TNKS: variants seen among roughly 807,000 people sequenced by gnomAD.
TNKS encodes the protein poly [ADP-ribose] polymerase tankyrase-1.
In TNKS, 72 loss-of-function variants were observed where a neutral mutation model predicts 135.8. The observed-to-expected ratio is 0.53, with a 90% CI of 0.44 to 0.64. The LOEUF is 0.64. Among genes scored for constraint, TNKS ranks in the 30% least tolerant of loss-of-function variants. The probability of loss-of-function intolerance (pLI) is 0.00; values close to 1 mark genes in which losing one functional copy is unlikely to be tolerated. For synonymous variants in TNKS, 849 were observed against 649.3 expected (o/e 1.31, Z -4.68); for missense variants, 1,769 against 1,674.0 (o/e 1.06, Z -0.99).
At chr8:9,676,543 A>G (rs1368074894) in intron 3 of TNKS, among the ~76,000 whole-genome samples, 1 of 152,138 alleles carries the variant, frequency 6.6e-6, no homozygotes, top group Non-Finnish European at 1.5e-5. Context: ...TTTTACTCAA[A>G]AAGTAATTTT....
At chr8:9,586,716 C>G (rs1798390339) in intron 2 of TNKS, among the ~76,000 whole-genome samples, 1 of 138,582 alleles carries the variant, frequency 7.2e-6, no homozygotes, top group Non-Finnish European at 1.5e-5. Context: ...TAATTTATAT[C>G]TAAAACGTGT....
chr8:9,766,944 A>G (rs1304982038), intron 25 of TNKS, among the ~76,000 whole-genome samples: 2 of 152,290 alleles, frequency 1.3e-5, no homozygotes, highest in Non-Finnish European at 2.9e-5. Context: ...AACCAGGTAC[A>G]TGGCCTCCAG....
chr8:9,680,033 G>T (rs1386133393), intron 4 of TNKS, 46 bp downstream of exon 4: 1 of 1,412,060 alleles, frequency 7.1e-7, no homozygotes, highest in South Asian at 1.2e-5. Context: ...CATTAAGGAA[G>T]AGAAGGAGGA....
At chr8:9,704,039 C>T (rs1803938814) in intron 5 of TNKS, among the ~76,000 whole-genome samples, 1 of 152,132 alleles carries the variant, frequency 6.6e-6, no homozygotes, top group South Asian at 2.1e-4. Flanking sequence ...GTATGTGGTA[C>T]ATAAAATGGA....
intron 5 of TNKS, among the ~76,000 whole-genome samples, chr8:9,686,049 C>T (rs1200080747): frequency 1.3e-5 from 2 of 152,156 alleles, no homozygotes; most frequent in Non-Finnish European, 2.9e-5. Context: ...CCTTTTATTA[C>T]TCATGCCCTT....
At chr8:9,652,418 C>A (rs1446691872) in intron 3 of TNKS, among the ~76,000 whole-genome samples, 1 of 152,082 alleles carries the variant, frequency 6.6e-6, no homozygotes, top group Non-Finnish European at 1.5e-5. Context: ...TTTTTAGCCA[C>A]TGTTTTATTA....
At position 9,734,638 on chromosome 8, in the gene TNKS, A is replaced by G. The variant is rs370089679; in HGVS notation, c.2314-227A>G. 9.9e-5 allele frequency among the ~76,000 whole-genome samples: 15 copies of G among 152,194 alleles called. No individual in the cohort carries two copies. In the East Asian group the frequency reaches 1.5e-3, roughly 16 times the overall value. ...CTCAAAGATACTTAACACTCTCCCT[A>G]CTTTATCATCACCATTGATCCTGAA... On this transcript the variant is annotated intron_variant, in intron 15 of 26. Coordinates refer to ENST00000310430, the MANE Select transcript of TNKS (RefSeq NM_003747.3).
rs377067060 is a variant in TNKS at position 9,696,166 on chromosome 8, C to A, written c.1108-8497C>A. ...TTAAAGCTACAAGACTGCATGAGCT[C>A]ACCAAAGGAATGAGTTAGACAATGT... On this transcript the variant is annotated intron_variant, in intron 5 of 26. Transcript: ENST00000310430. Among the ~76,000 whole-genome samples, 7 of 152,200 alleles carry A rather than the reference C, an allele frequency of 4.6e-5. No homozygotes were observed. The East Asian group carries it at 1.4e-3, about 29-fold the overall frequency.
At chr8:9,719,801 T>C (rs554591732) in intron 11 of TNKS, among the ~76,000 whole-genome samples, 85 of 152,342 alleles carry the variant, frequency 5.6e-4, no homozygotes, top group African/African-American at 1.9e-3. Flanking sequence ...ATGATTCTTC[T>C]TCCTGTGTAT....
At chr8:9,567,676 C>T (rs930397831) in intron 1 of TNKS, among the ~76,000 whole-genome samples, 2 of 152,220 alleles carry the variant, frequency 1.3e-5, no homozygotes, top group African/African-American at 4.8e-5. Flanking sequence ...CTTGGCCTCC[C>T]AAAGTGGTGG....
At chr8:9,705,168 C>A (rs1251244992) in intron 6 of TNKS, among the ~76,000 whole-genome samples, 1 of 151,960 alleles carries the variant, frequency 6.6e-6, no homozygotes, top group Non-Finnish European at 1.5e-5. Flanking sequence ...AATTTTTTTT[C>A]TGGTGAAATC....
chr8:9,772,489 AT>A (rs1285465143), intron 26 of TNKS: 1 of 449,542 alleles, frequency 2.2e-6, no homozygotes, highest in Admixed American at 2.4e-5. Flanking sequence ...TTCTTCAAAA[AT>A]GTTAATATTA....
At chr8:9,683,432 A>C (rs1001880650) in intron 5 of TNKS, among the ~76,000 whole-genome samples, 11 of 151,994 alleles carry the variant, frequency 7.2e-5, no homozygotes, top group Non-Finnish European at 1.5e-4. Flanking sequence ...CAGGCATATA[A>C]AGTTTATTTC....
intron 12 of TNKS, among the ~76,000 whole-genome samples, chr8:9,724,880 A>C (rs1292961792): frequency 6.6e-6 from 1 of 152,230 alleles, no homozygotes; most frequent in Non-Finnish European, 1.5e-5. Context: ...TTCCAATTTC[A>C]AATAGTTCTT....
chr8:9,744,165 G>A (rs890839359), intron 17 of TNKS, among the ~76,000 whole-genome samples: 1 of 152,136 alleles, frequency 6.6e-6, no homozygotes, highest in African/African-American at 2.4e-5. Flanking sequence ...GTTGATATTA[G>A]TGGTAGTGTG....
chr8:9,668,782 T>C (rs1339605677), intron 3 of TNKS, among the ~76,000 whole-genome samples: 1 of 152,062 alleles, frequency 6.6e-6, no homozygotes, highest in Non-Finnish European at 1.5e-5. Flanking sequence ...TGGGTAAAAG[T>C]GAGTGATGTA....
intron 3 of TNKS, among the ~76,000 whole-genome samples, chr8:9,633,774 C>G (rs957734073): frequency 5.3e-5 from 8 of 152,176 alleles, no homozygotes; most frequent in East Asian, 1.9e-4. Context: ...ACTGAAGTCT[C>G]TGGCCAGTAG....
At chr8:9,685,510 A>AC (rs1802953212) in intron 5 of TNKS, among the ~76,000 whole-genome samples, 1 of 152,142 alleles carries the variant, frequency 6.6e-6, no homozygotes, top group Admixed American at 6.5e-5. Flanking sequence ...TCTAGAATGG[A>AC]CACTTACATA....
intron 1 of TNKS, chr8:9,557,615 G>T (rs1360752342): frequency 6.6e-6 from 1 of 151,778 alleles, no homozygotes; most frequent in Non-Finnish European, 1.5e-5. Flanking sequence ...AATTCAAATA[G>T]GACAGAAAAA....
Sources: allele counts gnomAD v4.1 joint callset (sites outside exome capture counted in the v4.1 genomes callset), GRCh38; gene constraint gnomAD v4.1.1; transcripts MANE v1.5; gene names NCBI Gene and HGNC (gene_info 2026-07-23, HGNC 2026-07-21).